The following USP10 variants were observed in gnomAD, a reference collection of about 807,000 sequenced individuals.
USP10 encodes the protein ubiquitin carboxyl-terminal hydrolase 10.
A neutral mutation model predicts 84.5 loss-of-function variants in USP10; 22 were observed. The ratio of observed to expected loss-of-function variants is 0.26; its 90% confidence interval spans 0.19 to 0.37. The LOEUF (loss-of-function observed/expected upper bound fraction) is 0.37, where lower values mean the gene tolerates loss of function less well. Among genes scored for constraint, USP10 ranks in the 10% least tolerant of loss-of-function variants. USP10 has a pLI of 1.00. For synonymous variants in USP10, 454 were observed against 387.6 expected, an observed-to-expected ratio of 1.17 and a Z score of -2.01; for missense variants, 1,019 against 998.9, an observed-to-expected ratio of 1.02 and a Z score of -0.27.
intron 4 of USP10, 99 bp downstream of exon 4, chr16:84,745,772 CTG>C (rs1911159965): frequency 1.6e-5 from 20 of 1,278,668 alleles, no homozygotes; most frequent in Non-Finnish European, 2.1e-5. Flanking sequence ...GGCAGATTAC[CTG>C]TGTGTTAATA....
At chr16:84,755,128 A>G (rs1567634063) in intron 4 of USP10, among the ~76,000 whole-genome samples, 1 of 151,026 alleles carries the variant, frequency 6.6e-6, no homozygotes, top group Non-Finnish European at 1.5e-5. Flanking sequence ...CGGGTCAACA[A>G]CGAAGGGAAG....
intron 13 of USP10, 32 bp from the exon 14 acceptor site, chr16:84,778,863 C>G: frequency 1.3e-6 from 2 of 1,598,482 alleles, no homozygotes; most frequent in African/African-American, 1.3e-5. Context: ...CAGTGCTGTT[C>G]TCACTCTGCT....
intron 4 of USP10, among the ~76,000 whole-genome samples, chr16:84,758,147 T>C (rs1284994488): frequency 6.6e-6 from 1 of 152,240 alleles, no homozygotes; most frequent in Non-Finnish European, 1.5e-5. Flanking sequence ...AAACAGTTGC[T>C]AAATTGGATT....
intron 11 of USP10, 57 bp from the exon 12 acceptor site, chr16:84,772,484 T>A (rs1408986017): frequency 8.7e-6 from 14 of 1,606,158 alleles, no homozygotes; most frequent in Non-Finnish European, 1.2e-5. Flanking sequence ...GTGGATGTGG[T>A]GTTAGCTGTT....
At position 84,720,010 on chromosome 16, in the gene USP10, T is replaced by G. The variant is rs1230939202; in HGVS notation, c.22-13425T>G. On this transcript the variant is annotated intron_variant, in intron 1 of 13. Transcript: ENST00000219473. ...CCTTCTAAGTAACTTTGCTTTCCAT[T>G]AACAACAAAGCCGCTCATTAAGGTG... Among the ~76,000 whole-genome samples the G allele has an allele frequency of 2.0e-5, 3 of 152,342 alleles. No homozygotes were observed. The South Asian group carries it at 6.2e-4, about 32-fold the overall frequency.
chr16:84,744,524 G>T lies in USP10; in HGVS notation c.152-109G>T. 5.0e-6 allele frequency: 5 copies of T among 1,008,414 alleles called. No homozygotes were observed. The South Asian group carries it at 9.4e-5, about 19-fold the overall frequency. 62.5% of individuals were successfully genotyped at this position (1,008,414 alleles called of 1,614,324 possible). On this transcript the variant is annotated intron_variant, in intron 3 of 13. Transcript: ENST00000219473. The stretch of plus-strand genomic sequence containing the variant: ...AAGTAAAGGACGTAATAGATTTGTT[G>T]ATTAGGAAGAGAACTTAAGGTTTTT...
chr16:84,742,628 T>A (rs150528668), intron 3 of USP10, among the ~76,000 whole-genome samples: 1 of 152,160 alleles, frequency 6.6e-6, no homozygotes, highest in Non-Finnish European at 1.5e-5. Context: ...ATGTATTGAT[T>A]GGGTTGTTGA....
intron 4 of USP10, among the ~76,000 whole-genome samples, chr16:84,753,717 G>A (rs1198457586): frequency 6.6e-6 from 1 of 152,202 alleles, no homozygotes; most frequent in Non-Finnish European, 1.5e-5. Flanking sequence ...TTTAAAGTCT[G>A]TTGAGTCATT....
chr16:84,752,506 C>T (rs905371902), intron 4 of USP10, among the ~76,000 whole-genome samples: 1 of 152,082 alleles, frequency 6.6e-6, no homozygotes, highest in South Asian at 2.1e-4. Context: ...AATTGGAATG[C>T]GTATTGGACT....
intron 3 of USP10, among the ~76,000 whole-genome samples, chr16:84,742,488 C>T (rs1321272155): frequency 6.6e-6 from 1 of 152,216 alleles, no homozygotes; most frequent in African/African-American, 2.4e-5. Flanking sequence ...TCCCTCGCCC[C>T]CTGCCTTGTA....
chr16:84,733,994 G>A (rs1909575006), intron 2 of USP10, among the ~76,000 whole-genome samples: 1 of 152,302 alleles, frequency 6.6e-6, no homozygotes, highest in African/African-American at 2.4e-5. Flanking sequence ...CAGTACCACT[G>A]ATTGAACACA....
intron 1 of USP10, among the ~76,000 whole-genome samples, chr16:84,706,172 C>T (rs143879054): frequency 1.4e-4 from 22 of 152,104 alleles, no homozygotes; most frequent in African/African-American, 4.8e-4. Context: ...TGTGAGCCAC[C>T]GCGCCTAGCC....
In USP10 at chr16:84,768,278, A is replaced by T; in HGVS notation, c.1918A>T (p.Ile640Leu). Reference sequence around the variant, plus strand: ...GCAGTTGGATATCCAGTCAGACAAGATACGCACAGTCCAGGATGCACTGGA... The same window carrying T: ...GCAGTTGGATATCCAGTCAGACAAGTTACGCACAGTCCAGGATGCACTGGA... Reference protein sequence around the residue: ...TLQLDIQSDKIRTVQDALESL... With the variant: ...TLQLDIQSDKLRTVQDALESL... The change falls in exon 11 of 14, where the codon ATA becomes TTA. Residue 640 changes from isoleucine (I) to leucine (L), a missense_variant. Ile to Leu is a conservative substitution (Grantham distance 5). Around this residue, in one of 2 missense-constraint regions of USP10, gnomAD observed 232 missense variants for 290.1 expected, o/e 0.80. Coordinates refer to ENST00000219473, the MANE Select transcript of USP10 (RefSeq NM_005153.3). 6.2e-7 allele frequency: 1 copy of T among 1,608,110 alleles called. No homozygotes were observed. The highest frequency in any genetic ancestry group is 8.5e-7 in the Non-Finnish European group (1 of 1,177,036).
intron 2 of USP10, among the ~76,000 whole-genome samples, chr16:84,738,658 C>T (rs1910239382): frequency 6.6e-6 from 1 of 152,128 alleles, no homozygotes; most frequent in Non-Finnish European, 1.5e-5. Context: ...CTAGGTTGCC[C>T]CCTGGTGGTG....
chr16:84,716,104 T>G (rs1212830372), intron 1 of USP10: 1 of 152,206 alleles, frequency 6.6e-6, no homozygotes, highest in Non-Finnish European at 1.5e-5. Flanking sequence ...CTGAACTGGG[T>G]GACTACTATC....
intron 1 of USP10, among the ~76,000 whole-genome samples, chr16:84,717,238 A>T (rs1055075184): frequency 6.6e-6 from 1 of 152,120 alleles, no homozygotes; most frequent in Admixed American, 6.5e-5. Flanking sequence ...AAATGTGTGT[A>T]CATGCATTCT....
At chr16:84,761,804 C>G (rs1035076213) in intron 8 of USP10, among the ~76,000 whole-genome samples, 1 of 152,258 alleles carries the variant, frequency 6.6e-6, no homozygotes, top group African/African-American at 2.4e-5. Context: ...ATCCAAATTC[C>G]CAGACACCAG....
intron 13 of USP10, among the ~76,000 whole-genome samples, chr16:84,777,120 T>C (rs976424018): frequency 1.3e-4 from 20 of 152,222 alleles, no homozygotes; most frequent in African/African-American, 4.6e-4. Context: ...ACTGCTGTGA[T>C]TGTGGGGCCT....
intron 1 of USP10, among the ~76,000 whole-genome samples, chr16:84,706,980 C>T (rs1905613002): frequency 6.6e-6 from 1 of 152,126 alleles, no homozygotes; most frequent in Non-Finnish European, 1.5e-5. Context: ...CTATAAACTG[C>T]ATAGTTTAGA....
Sources: gnomAD v4.1 joint callset for allele counts (sites outside exome capture counted in the v4.1 genomes callset) on GRCh38, gnomAD v4.1.1 for gene constraint, gnomAD v4.1.1 regional missense constraint, MANE v1.5 for transcripts, NCBI Gene and HGNC (gene_info 2026-07-23, HGNC 2026-07-21) for gene names.